The following PEX19 variants were observed in gnomAD, a reference collection of about 807,000 sequenced individuals.
PEX19 encodes peroxisomal biogenesis factor 19.
A neutral mutation model predicts 36.3 loss-of-function variants in PEX19; 29 were observed. The ratio of observed to expected loss-of-function variants is 0.80; its 90% CI spans 0.60 to 1.09. The LOEUF (loss-of-function observed/expected upper bound fraction) is 1.09, where lower values mean the gene tolerates loss of function less well. Among genes scored for constraint, PEX19 ranks in the 50% least tolerant of loss-of-function variants. The pLI, the probability that PEX19 is intolerant of heterozygous loss-of-function variation, is 0.00. For missense variants in PEX19, 396 were observed against 368.1 expected, an observed-to-expected ratio of 1.08 and a Z score of -0.62; for synonymous variants, 141 against 135.2, an observed-to-expected ratio of 1.04 and a Z score of -0.30.
At chr1:160,283,672 G>A (rs1389153824) in intron 1 of PEX19, 33 bp from the exon 2 acceptor site, 2 of 1,514,758 alleles carry the variant, frequency 1.3e-6, no homozygotes, top group Non-Finnish European at 1.8e-6. Context: ...GTGTGTGTTG[G>A]CGACAGATGA....
intron 4 of PEX19, 64 bp downstream of exon 4, chr1:160,282,353 G>A (rs562029498): frequency 1.6e-4 from 232 of 1,454,752 alleles, no homozygotes; most frequent in Admixed American, 6.5e-4. Flanking sequence ...TCTGTCTTTT[G>A]AGACTCTGCT....
intron 1 of PEX19, chr1:160,284,260 C>T: frequency 2.2e-6 from 1 of 452,868 alleles, no homozygotes; most frequent in Non-Finnish European, 4.6e-6. Flanking sequence ...AGTCACTTGG[C>T]ACTCCTCAGG....
At position 160,285,074 on chromosome 1, in the gene PEX19, T is replaced by G. The variant is rs1657957259; in HGVS notation, c.51A>C (p.Glu17Asp). ...TCTTACTTTCCAGAAGCTCCTCCAA[T>G]TCCCTGTCCGCTTCGGCCCCGACAC... ...GCSVGAEADRELEELLESALD... is the reference protein window; with the variant it reads ...GCSVGAEADRDLEELLESALD... The change falls in exon 1 of 8, where the codon GAA becomes GAC. Residue 17 changes from glutamate to aspartate, a missense_variant. By Grantham distance (45) the Glu-to-Asp change is conservative. Transcript: ENST00000368072. 1.2e-6 allele frequency: 2 copies of G among 1,613,720 alleles called. No individual in the cohort carries two copies. Among genetic ancestry groups the G allele is most frequent in the East Asian group, 2.2e-5 (1 of 44,876 alleles).
intron 5 of PEX19, among the ~76,000 whole-genome samples, 196 bp downstream of exon 5, chr1:160,281,843 C>T (rs576299598): frequency 7.9e-5 from 12 of 152,298 alleles, no homozygotes; most frequent in African/African-American, 2.9e-4. Context: ...TATACCCCAA[C>T]ATACCGTGTG....
Position 160,280,180 on chromosome 1 carries a change from G to C in PEX19, c.661C>G (p.Gln221Glu), listed in dbSNP as rs1657712138. The change falls in exon 6 of 8, where the codon CAG (glutamine) becomes GAG (glutamate). Residue 221 changes from glutamine to glutamate, a missense_variant. Gln to Glu is a conservative substitution (Grantham distance 29). Transcript: ENST00000368072. Reference sequence around the variant, plus strand: ...CATATTTTGCACATGACGCTGTGCTGCTCCTGATATTTTTCAAACTGCTCT... The same window carrying C: ...CATATTTTGCACATGACGCTGTGCTCCTCCTGATATTTTTCAAACTGCTCT... ...PPEQFEKYQE[Q>E]HSVMCKICEQ... 2.5e-6 allele frequency: 4 copies of C among 1,613,610 alleles called. No homozygotes were observed. The highest frequency in any genetic ancestry group is 3.4e-6 in the Non-Finnish European group (4 of 1,179,510).
At chr1:160,281,984 A>C in intron 5 of PEX19, 55 bp downstream of exon 5, 1 of 1,482,442 alleles carries the variant, frequency 6.7e-7, no homozygotes, top group Non-Finnish European at 9.4e-7. Flanking sequence ...AATAGCCCAC[A>C]TCAGTTGATG....
At chr1:160,284,254 A>T (rs1657909711) in intron 1 of PEX19, 1 of 456,424 alleles carries the variant, frequency 2.2e-6, no homozygotes, top group African/African-American at 2.0e-5. Context: ...TTACACAGTC[A>T]CTTGGCACTC....
At position 160,278,195 on chromosome 1, in the gene PEX19, A is replaced by G; in HGVS notation, c.*1356T>C. The G allele has an allele frequency of 1.4e-6, 1 of 702,570 alleles. No homozygotes were observed. 43.5% of individuals were successfully genotyped at this position (702,570 alleles called of 1,614,324 possible). On this transcript the variant is annotated 3_prime_UTR_variant, in exon 8 of 8. Transcript: ENST00000368072. ...CACAGAAAAAAAGCCACGTCAGCTTAAAGAAAAATAATTTAGAAAACATAA... is the reference window on the plus strand; with the variant it reads ...CACAGAAAAAAAGCCACGTCAGCTTGAAGAAAAATAATTTAGAAAACATAA...
rs1657795956 is a variant in PEX19, at chr1:160,282,136, TC to T, written c.496del (p.Asp166MetfsTer27). The T allele has an allele frequency of 6.2e-7, 1 of 1,614,022 alleles. No individual in the cohort carries two copies. The highest frequency in any genetic ancestry group is 8.5e-7 in the Non-Finnish European group (1 of 1,179,912). On this transcript the variant is annotated frameshift_variant, in exon 5 of 8. Transcript: ENST00000368072. LOFTEE classifies it high-confidence loss of function. ...GATGGGGAGGATGTTCCCTTCCCCA[TC>T]CCCTTCGTCCATGCCTAGCCCCTCC... ...AMEGLGMDEG[D>X]GEGNILPIMQ...
intron 1 of PEX19, among the ~76,000 whole-genome samples, chr1:160,283,900 G>A (rs1431522666): frequency 6.6e-6 from 1 of 152,142 alleles, no homozygotes; most frequent in East Asian, 1.9e-4. Context: ...GGGAGGAGAG[G>A]ATTAAAAAGT....
Position 160,278,213 on chromosome 1 carries a change from AAACAT to A in PEX19, c.*1333_*1337del. The A allele has an allele frequency of 1.4e-6, 1 of 702,384 alleles. No homozygotes were observed. Among genetic ancestry groups the A allele is most frequent in the Non-Finnish European group, 2.6e-6 (1 of 384,944 alleles). The allele number at this position is 702,384 out of a possible 1,614,324, so 43.5% of individuals were successfully genotyped here. On this transcript the variant is annotated 3_prime_UTR_variant, in exon 8 of 8. Transcript: ENST00000368072. ...TCAGCTTAAAGAAAAATAATTTAGA[AAACAT>A]AACAATATATTACTAACATTAATAA... is the stretch of plus-strand genomic sequence containing the variant.
chr1:160,283,810 C>A (rs1215851452), intron 1 of PEX19, among the ~76,000 whole-genome samples, 171 bp from the exon 2 acceptor site: 1 of 152,176 alleles, frequency 6.6e-6, no homozygotes, highest in Admixed American at 6.5e-5. Context: ...GAGCCTCCTA[C>A]TTCCTTCTGG....
intron 3 of PEX19, 76 bp downstream of exon 3, chr1:160,282,868 A>C: frequency 3.2e-5 from 46 of 1,432,500 alleles, no homozygotes; most frequent in Non-Finnish European, 4.1e-5. Flanking sequence ...CAACTTCACT[A>C]AGAATTCTGG....
intron 6 of PEX19, 37 bp downstream of exon 6, chr1:160,280,033 T>C (rs1470312250): frequency 6.3e-7 from 1 of 1,592,914 alleles, no homozygotes; most frequent in Non-Finnish European, 8.6e-7. Context: ...AACACCTAAG[T>C]GGACAGCACC....
chr1:160,278,205 A>G lies in PEX19; in HGVS notation c.*1346T>C. On this transcript the variant is annotated 3_prime_UTR_variant, in exon 8 of 8. Coordinates refer to ENST00000368072, the MANE Select transcript of PEX19 (RefSeq NM_002857.4). ...AAGCCACGTCAGCTTAAAGAAAAAT[A>G]ATTTAGAAAACATAACAATATATTA... The G allele has an allele frequency of 1.4e-6, 1 of 702,502 alleles. No homozygotes were observed. The highest frequency in any genetic ancestry group is 2.6e-6 in the Non-Finnish European group (1 of 384,974). 43.5% of individuals were successfully genotyped at this position (702,502 alleles called of 1,614,324 possible). A position where few individuals can be genotyped will look rare whatever the true frequency, so the allele number is the denominator to read the frequency against.
Position 160,278,729 on chromosome 1 carries a change from AT to A in PEX19, c.*821del. The A allele has an allele frequency of 2.2e-6, 1 of 454,106 alleles. No individual in the cohort carries two copies. Among genetic ancestry groups the A allele is most frequent in the South Asian group, 1.6e-5 (1 of 64,472 alleles). 28.1% of individuals were successfully genotyped at this position (454,106 alleles called of 1,614,324 possible). A position where few individuals can be genotyped will look rare whatever the true frequency, so the allele number is the denominator to read the frequency against. On this transcript the variant is annotated 3_prime_UTR_variant, in exon 8 of 8. Coordinates refer to ENST00000368072, the MANE Select transcript of PEX19 (RefSeq NM_002857.4). ...TCAGTGAGAATCGTAAATGGACTAG[AT>A]GAGGGGAAATAGGATGGGCCCTTCT...
Position 160,277,997 on chromosome 1 carries a change from G to A in PEX19, c.*1554C>T, listed in dbSNP as rs1571133125. 2 of 699,056 alleles carry A rather than the reference G, an allele frequency of 2.9e-6. No individual in the cohort carries two copies. Among genetic ancestry groups the A allele is most frequent in the East Asian group, 2.7e-5 (1 of 37,084 alleles). The allele number at this position is 699,056 out of a possible 1,614,324, so 43.3% of individuals were successfully genotyped here. On this transcript the variant is annotated 3_prime_UTR_variant, in exon 8 of 8. Transcript: ENST00000368072. ...ATAAAACATGTAAGGTCTTCAAGGG[G>A]TGAAAAGTTTTAACCTCGGGGCAAG...
At chr1:160,284,588 G>A (rs1384577112) in intron 1 of PEX19, among the ~76,000 whole-genome samples, 2 of 152,206 alleles carry the variant, frequency 1.3e-5, no homozygotes. Flanking sequence ...GAGAGAAAGA[G>A]AAAAGGACTA....
chr1:160,278,457 G>A lies in PEX19; in HGVS notation c.*1094C>T, dbSNP rs1360071223. The A allele has an allele frequency of 7.2e-6, 4 of 559,032 alleles. No individual in the cohort carries two copies. Among genetic ancestry groups the A allele is most frequent in the Non-Finnish European group, 6.7e-6 (2 of 296,626 alleles). The allele number at this position is 559,032 out of a possible 1,614,324, so 34.6% of individuals were successfully genotyped here. On this transcript the variant is annotated 3_prime_UTR_variant, in exon 8 of 8. Coordinates refer to ENST00000368072, the MANE Select transcript of PEX19 (RefSeq NM_002857.4). Reference sequence around the variant, plus strand: ...TCACTCTGCAACTTACGGAAGCTGAGGAAGATCAGAAAAAGACCACACTCC... The same window carrying A: ...TCACTCTGCAACTTACGGAAGCTGAAGAAGATCAGAAAAAGACCACACTCC...
Sources: allele counts gnomAD v4.1 joint callset (sites outside exome capture counted in the v4.1 genomes callset), GRCh38; gene constraint gnomAD v4.1.1; transcripts MANE v1.5; gene names NCBI Gene and HGNC (gene_info 2026-07-23, HGNC 2026-07-21).